The following NEGR1 variants were observed in gnomAD, a reference collection of about 807,000 sequenced individuals.
NEGR1 encodes IgLON family member 4.
Under a neutral mutation model 40.9 loss-of-function variants are expected in NEGR1, and 10 were observed. The observed-to-expected ratio is 0.24, with a 90% CI of 0.15 to 0.42. The LOEUF (loss-of-function observed/expected upper bound fraction) is 0.42, where lower values mean the gene tolerates loss of function less well. Ranked by LOEUF, NEGR1 falls within the 10% of genes least tolerant of loss-of-function variation. The pLI is 1.00. For missense variants in NEGR1, 352 were observed against 438.9 expected (o/e 0.80, Z 1.77); for synonymous variants, 185 against 166.8 (o/e 1.11, Z -0.84).
In NEGR1 at chr1:71,675,112, C is replaced by CAT. The variant is rs1553157758; in HGVS notation, c.667+22894_667+22895dup. Among the ~76,000 whole-genome samples, 9 of 45,210 alleles carry CAT rather than the reference C, an allele frequency of 2.0e-4. 2 individuals carry two copies. The highest frequency in any genetic ancestry group is 1.8e-3 in the East Asian group (2 of 1,084). The allele number at this position is 45,210 out of a possible 152,430, so 29.7% of individuals were successfully genotyped here. ...GCAATATATAAAATGCATGTTTATT[C>CAT]ATATATATATATATACACACACACA... On this transcript the variant is annotated intron_variant, in intron 4 of 6. Coordinates refer to ENST00000357731, the MANE Select transcript of NEGR1 (RefSeq NM_173808.3).
At chr1:72,004,779 T>G (rs1422273086) in intron 1 of NEGR1, among the ~76,000 whole-genome samples, 1 of 152,132 alleles carries the variant, frequency 6.6e-6, no homozygotes, top group African/African-American at 2.4e-5. Flanking sequence ...ACTTAGAATA[T>G]GATATTTAGG....
At chr1:72,250,798 C>T (rs1294862001) in intron 1 of NEGR1, among the ~76,000 whole-genome samples, 1 of 152,000 alleles carries the variant, frequency 6.6e-6, no homozygotes, top group Non-Finnish European at 1.5e-5. Flanking sequence ...ATATGGAAAC[C>T]AAGAAGAATG....
intron 2 of NEGR1, among the ~76,000 whole-genome samples, chr1:71,927,461 A>T (rs1426725147): frequency 6.6e-6 from 1 of 152,080 alleles, no homozygotes; most frequent in African/African-American, 2.4e-5. Context: ...AACAACCTTG[A>T]TTCTGAATTT....
intron 3 of NEGR1, among the ~76,000 whole-genome samples, chr1:71,718,513 T>C (rs1461564660): frequency 6.6e-6 from 1 of 152,198 alleles, no homozygotes; most frequent in African/African-American, 2.4e-5. Context: ...CAGGTATTTC[T>C]TTATAGCAAT....
chr1:71,565,279 T>C (rs76254278), intron 6 of NEGR1, among the ~76,000 whole-genome samples: 2,405 of 152,250 alleles, frequency 0.016, 70 homozygotes, highest in African/African-American at 0.055. Flanking sequence ...AATTAAGACA[T>C]ATTCAAAGGA....
chr1:71,535,524 A>G (rs546301262), intron 6 of NEGR1, among the ~76,000 whole-genome samples: 8 of 151,878 alleles, frequency 5.3e-5, no homozygotes, highest in African/African-American at 1.9e-4. Flanking sequence ...CTATAATTTC[A>G]GCTTCACAGT....
chr1:71,848,446 T>C (rs1185855479), intron 2 of NEGR1, among the ~76,000 whole-genome samples: 1 of 152,166 alleles, frequency 6.6e-6, no homozygotes, highest in East Asian at 1.9e-4. Flanking sequence ...GGTGACTTTA[T>C]GTTAAAGCCA....
chr1:71,716,145 G>C (rs1654266276), intron 3 of NEGR1, among the ~76,000 whole-genome samples: 1 of 151,952 alleles, frequency 6.6e-6, no homozygotes, highest in Admixed American at 6.6e-5. Context: ...TGCCAGCAGG[G>C]GAAATGCCAG....
At chr1:72,101,753 G>A (rs1273616235) in intron 1 of NEGR1, among the ~76,000 whole-genome samples, 2 of 151,986 alleles carry the variant, frequency 1.3e-5, no homozygotes, top group East Asian at 1.9e-4. Flanking sequence ...CAAAGAACTG[G>A]CACTGCTTAC....
intron 6 of NEGR1, among the ~76,000 whole-genome samples, chr1:71,561,919 T>A (rs1648471542): frequency 8.1e-6 from 1 of 123,950 alleles, no homozygotes; most frequent in Admixed American, 1.1e-4. Context: ...AATTGCCTTT[T>A]TGCTAGAGCT....
intron 4 of NEGR1, among the ~76,000 whole-genome samples, chr1:71,672,313 T>C (rs190097207): frequency 8.5e-5 from 13 of 152,296 alleles, no homozygotes; most frequent in African/African-American, 1.7e-4. Context: ...TTGCATTCAT[T>C]AAAAATTAAA....
intron 6 of NEGR1, among the ~76,000 whole-genome samples, chr1:71,435,118 A>AAC (rs1285764340): frequency 2.3e-3 from 349 of 149,470 alleles, no homozygotes; most frequent in South Asian, 3.6e-3. Context: ...AACAAAAAAA[A>AAC]AAAAAAAAGA....
At chr1:72,087,078 G>T (rs1271518185) in intron 1 of NEGR1, among the ~76,000 whole-genome samples, 1 of 152,106 alleles carries the variant, frequency 6.6e-6, no homozygotes, top group Non-Finnish European at 1.5e-5. Context: ...AAACAGGATA[G>T]ATAAATTCTA....
intron 2 of NEGR1, among the ~76,000 whole-genome samples, chr1:71,916,182 G>T (rs1006859830): frequency 2.0e-5 from 3 of 152,074 alleles, no homozygotes; most frequent in Admixed American, 2.0e-4. Context: ...CCTTAAACTA[G>T]TATCATTTAT....
chr1:71,846,661 A>T (rs932907424), intron 2 of NEGR1, among the ~76,000 whole-genome samples: 1 of 152,122 alleles, frequency 6.6e-6, no homozygotes, highest in African/African-American at 2.4e-5. Flanking sequence ...AAAGCCTTAG[A>T]ATGGGTAACT....
chr1:71,958,451 G>A (rs1482960938), intron 1 of NEGR1, among the ~76,000 whole-genome samples: 1 of 152,112 alleles, frequency 6.6e-6, no homozygotes, highest in Non-Finnish European at 1.5e-5. Flanking sequence ...AAGAGAAAAG[G>A]AAAGGACGAA....
intron 1 of NEGR1, among the ~76,000 whole-genome samples, chr1:72,149,956 T>C (rs1233350002): frequency 6.7e-6 from 1 of 149,324 alleles, no homozygotes; most frequent in Non-Finnish European, 1.5e-5. Flanking sequence ...AGTATCCTTA[T>C]ATAGTAAGTT....
At chr1:71,734,853 T>C (rs1485052512) in intron 3 of NEGR1, among the ~76,000 whole-genome samples, 1 of 152,180 alleles carries the variant, frequency 6.6e-6, no homozygotes, top group African/African-American at 2.4e-5. Context: ...TGCTTTCTTC[T>C]TGCATTGTCC....
intron 2 of NEGR1, among the ~76,000 whole-genome samples, chr1:71,899,484 A>G (rs780175921): frequency 6.6e-4 from 101 of 152,158 alleles, no homozygotes; most frequent in Non-Finnish European, 7.6e-4. Context: ...ATGGAAAGGA[A>G]GAATCACTGA....
Sources: gnomAD v4.1 joint callset for allele counts (sites outside exome capture counted in the v4.1 genomes callset) on GRCh38, gnomAD v4.1.1 for gene constraint, MANE v1.5 for transcripts, NCBI Gene and HGNC (gene_info 2026-07-23, HGNC 2026-07-21) for gene names.